PLAAT5: variants seen among roughly 807,000 people sequenced by gnomAD.
PLAAT5 encodes the protein phospholipase A and acyltransferase 5, also known as Ca(2+)-independent N-acyltransferase.
PLAAT5 carries 27 observed loss-of-function variants against 27.8 expected under a neutral mutation model. The ratio of observed to expected loss-of-function variants is 0.97; its 90% CI spans 0.72 to 1.34. The LOEUF (loss-of-function observed/expected upper bound fraction) is 1.34, where lower values mean the gene tolerates loss of function less well. Among genes scored for constraint, PLAAT5 ranks in the 40% most tolerant of loss-of-function variants. The pLI, the probability that PLAAT5 is intolerant of heterozygous loss-of-function variation, is 0.00. For missense variants in PLAAT5, 368 were observed against 343.8 expected, an observed-to-expected ratio of 1.07 and a Z score of -0.56; for synonymous variants, 125 against 136.1, an observed-to-expected ratio of 0.92 and a Z score of 0.57.
chr11:63,483,163 G>A lies in PLAAT5; in HGVS notation c.345+5708C>T, dbSNP rs185180005. Among the ~76,000 whole-genome samples, 184 of 151,446 alleles carry A rather than the reference G, an allele frequency of 1.2e-3. 1 individual carries two copies. In the Middle Eastern group the frequency reaches 0.034, roughly 28 times the overall value. ...GATGGCAACACAGTAATAGTGGGGG[G>A]ACTTCAGTACTCCACTGACAGCACT... On this transcript the variant is annotated intron_variant, in intron 3 of 5. Transcript: ENST00000540857.
chr11:63,482,426 C>T (rs2016308628), intron 3 of PLAAT5, among the ~76,000 whole-genome samples: 1 of 152,176 alleles, frequency 6.6e-6, no homozygotes. Context: ...TCAGCAGAAA[C>T]CCTGCAAAAC....
intron 3 of PLAAT5, among the ~76,000 whole-genome samples, chr11:63,477,837 T>C (rs951048455): frequency 1.2e-4 from 19 of 152,182 alleles, no homozygotes; most frequent in African/African-American, 4.6e-4. Flanking sequence ...AGCCACACCT[T>C]GTGCCGCGAA....
In PLAAT5 at chr11:63,490,875, C is replaced by T; in HGVS notation, c.148+12G>A. 1.3e-6 allele frequency: 2 copies of T among 1,597,704 alleles called. No homozygotes were observed. The highest frequency in any genetic ancestry group is 1.7e-6 in the Non-Finnish European group (2 of 1,172,854). ...TTGCGGATTGTCCTTCAGCCGCATT[C>T]TTGGGGCTGACCTGAGTGGGGCACA... On this transcript the variant is annotated intron_variant, in intron 1 of 5. Transcript: ENST00000540857.
chr11:63,475,682 T>C (rs2016136116), intron 3 of PLAAT5, among the ~76,000 whole-genome samples: 1 of 152,040 alleles, frequency 6.6e-6, no homozygotes, highest in East Asian at 1.9e-4. Flanking sequence ...TCTTTTTTGT[T>C]CCTCTGTTCC....
chr11:63,483,347 A>C (rs2016329399), intron 3 of PLAAT5, among the ~76,000 whole-genome samples: 1 of 152,180 alleles, frequency 6.6e-6, no homozygotes, highest in African/African-American at 2.4e-5. Flanking sequence ...AAGATAGATC[A>C]TTTGATAGGC....
intron 3 of PLAAT5, chr11:63,469,267 C>A: frequency 5.0e-6 from 1 of 201,840 alleles, no homozygotes; most frequent in Admixed American, 5.2e-5. Context: ...GTTGCACCTT[C>A]ACTGCTGTGT....
chr11:63,486,029 G>T (rs776127302), intron 3 of PLAAT5, among the ~76,000 whole-genome samples: 31 of 152,238 alleles, frequency 2.0e-4, no homozygotes, highest in Admixed American at 2.0e-3. Flanking sequence ...TTAAAAAACT[G>T]CTCAACGTCA....
At chr11:63,484,198 C>T (rs1408325555) in intron 3 of PLAAT5, among the ~76,000 whole-genome samples, 3 of 150,276 alleles carry the variant, frequency 2.0e-5, no homozygotes, top group African/African-American at 7.3e-5. Flanking sequence ...AGATTCACAG[C>T]TGAATTCTAT....
At chr11:63,470,151 A>C (rs1252028325) in intron 3 of PLAAT5, 1 of 155,286 alleles carries the variant, frequency 6.4e-6, no homozygotes, top group Non-Finnish European at 1.5e-5. Flanking sequence ...TCAACATCAG[A>C]GAAGTCATAC....
chr11:63,468,216 A>T, intron 4 of PLAAT5, 141 bp downstream of exon 4: 1 of 667,690 alleles, frequency 1.5e-6, no homozygotes, highest in Non-Finnish European at 2.6e-6. Flanking sequence ...GCTCTGTCAC[A>T]CAGTAAGCAA....
rs1252127306 is a variant in PLAAT5 at position 63,461,884 on chromosome 11, G to T, written c.*1619C>A. The T allele has an allele frequency of 6.6e-6, 1 of 152,228 alleles. No individual in the cohort carries two copies. Among genetic ancestry groups the T allele is most frequent in the Non-Finnish European group, 1.5e-5 (1 of 68,054 alleles). The allele number at this position is 152,228 out of a possible 1,614,324, so 9.4% of individuals were successfully genotyped here. On this transcript the variant is annotated 3_prime_UTR_variant, in exon 6 of 6. Transcript: ENST00000540857. The stretch of plus-strand genomic sequence containing the variant: ...TCAAAAATATTTTTTGGACAAACAA[G>T]TGAATGTGAGCCCTGAAACTTTCTA...
At chr11:63,467,062 G>A (rs944787248) in intron 4 of PLAAT5, among the ~76,000 whole-genome samples, 2 of 152,216 alleles carry the variant, frequency 1.3e-5, no homozygotes, top group Non-Finnish European at 2.9e-5. Flanking sequence ...TGGGTGGGTA[G>A]TCATTTAAAG....
rs1219483123 is a variant in PLAAT5, at chr11:63,483,775, C to CAAA, written c.345+5093_345+5095dup. 1.8e-3 allele frequency among the ~76,000 whole-genome samples: 51 copies of CAAA among 27,758 alleles called. 1 individual carries two copies. Among genetic ancestry groups the CAAA allele is most frequent in the African/African-American group, 8.9e-3 (47 of 5,260 alleles). 18.2% of individuals were successfully genotyped at this position (27,758 alleles called of 152,430 possible). A position where few individuals can be genotyped will look rare whatever the true frequency, so the allele number is the denominator to read the frequency against. On this transcript the variant is annotated intron_variant, in intron 3 of 5. Transcript: ENST00000540857. ...AGAGCAGAAGTAAATGAAATTGAAG[C>CAAA]AAAAAAAAAATATATATATATATAT...
At position 63,463,595 on chromosome 11, in the gene PLAAT5, C is replaced by T. The variant is rs1241905484; in HGVS notation, c.718G>A (p.Val240Ile). Residue 240 changes from valine to isoleucine, a missense_variant and splice_region_variant, in exon 6 of 6, where the codon GTA (valine) becomes ATA (isoleucine). Physicochemically the swap from Val to Ile is conservative, Grantham distance 29. Transcript: ENST00000540857. Reference sequence around the variant, plus strand: ...GCTCCTTCCATCAGGGCGTGCTCTACCTGCAAAGCACATCAGTTCACAGGA... The same window carrying T: ...GCTCCTTCCATCAGGGCGTGCTCTATCTGCAAAGCACATCAGTTCACAGGA... ...LRYGVPRSQQ[V>I]EHALMEGAKA... is the part of the protein sequence containing the mutation. 1.2e-6 allele frequency: 2 copies of T among 1,613,142 alleles called. No individual in the cohort carries two copies. Among genetic ancestry groups the T allele is most frequent in the Non-Finnish European group, 1.7e-6 (2 of 1,179,678 alleles).
At chr11:63,468,578 C>T (rs1406974953) in intron 3 of PLAAT5, 113 bp from the exon 4 acceptor site, 1 of 715,844 alleles carries the variant, frequency 1.4e-6, no homozygotes, top group East Asian at 2.7e-5. Flanking sequence ...TTCATCACTT[C>T]ACAGAAACCC....
At chr11:63,490,615 C>T in intron 1 of PLAAT5, 2 of 609,320 alleles carry the variant, frequency 3.3e-6, no homozygotes, top group Admixed American at 6.0e-5. Flanking sequence ...TGGGAGGAAC[C>T]TCTGCCGAGC....
intron 3 of PLAAT5, among the ~76,000 whole-genome samples, chr11:63,473,996 G>A (rs2016094749): frequency 6.6e-6 from 1 of 152,126 alleles, no homozygotes; most frequent in Non-Finnish European, 1.5e-5. Flanking sequence ...ACAGCGCCCA[G>A]CCCTGGTATA....
intron 3 of PLAAT5, among the ~76,000 whole-genome samples, chr11:63,483,054 A>G (rs1385002900): frequency 6.6e-6 from 1 of 152,236 alleles, no homozygotes; most frequent in Non-Finnish European, 1.5e-5. Flanking sequence ...ACAGGAAAAT[A>G]TCATAATCCT....
intron 2 of PLAAT5, among the ~76,000 whole-genome samples, chr11:63,490,032 A>C (rs2016523010): frequency 6.6e-6 from 1 of 152,196 alleles, no homozygotes; most frequent in African/African-American, 2.4e-5. Context: ...TTGTGGCTAG[A>C]AACAGCTGCA....
Sources: allele counts gnomAD v4.1 joint callset (sites outside exome capture counted in the v4.1 genomes callset), GRCh38; gene constraint gnomAD v4.1.1; transcripts MANE v1.5; gene names NCBI Gene and HGNC (gene_info 2026-07-23, HGNC 2026-07-21).